The following SCYL2 variants were observed in gnomAD, a reference collection of about 807,000 sequenced individuals.
SCYL2 encodes the protein SCY1 like pseudokinase 2.
SCYL2 carries 36 observed loss-of-function variants against 100.4 expected under a neutral mutation model. The ratio of observed to expected loss-of-function variants is 0.36; its 90% confidence interval spans 0.27 to 0.47. The LOEUF (loss-of-function observed/expected upper bound fraction) is 0.47, where lower values mean the gene tolerates loss of function less well. Among genes scored for constraint, SCYL2 ranks in the 20% least tolerant of loss-of-function variants. SCYL2 has a pLI of 1.00. For missense variants in SCYL2, 902 were observed against 1,083.9 expected (o/e 0.83, Z 2.36); for synonymous variants, 330 against 359.2 (o/e 0.92, Z 0.92).
chr12:100,296,638 T>C (rs997344532), intron 3 of SCYL2: 2 of 152,130 alleles, frequency 1.3e-5, no homozygotes, highest in African/African-American at 4.8e-5. Flanking sequence ...CAGTGAGAAG[T>C]TGTTAGTAAC....
intron 10 of SCYL2, among the ~76,000 whole-genome samples, chr12:100,321,093 A>G (rs923574266): frequency 6.6e-6 from 1 of 152,096 alleles, no homozygotes; most frequent in Non-Finnish European, 1.5e-5. Context: ...ATACACCACC[A>G]TGCCTGGCTC....
At chr12:100,329,399 ATTGGT>A in intron 13 of SCYL2, 80 bp downstream of exon 13, 1 of 665,092 alleles carries the variant, frequency 1.5e-6, no homozygotes, top group African/African-American at 1.8e-5. Context: ...TATTACAAAG[ATTGGT>A]TAAAAAAAAA....
At chr12:100,337,261 C>A in intron 16 of SCYL2, 126 bp from the exon 17 acceptor site, 2 of 1,183,328 alleles carry the variant, frequency 1.7e-6, no homozygotes, top group South Asian at 1.4e-5. Flanking sequence ...GTGACAATCA[C>A]CAAGACAAGA....
chr12:100,304,575 C>T (rs1283967386), intron 4 of SCYL2, among the ~76,000 whole-genome samples: 3 of 152,174 alleles, frequency 2.0e-5, no homozygotes, highest in Non-Finnish European at 4.4e-5. Flanking sequence ...TCAGCTTGCC[C>T]TCTGTGGGCT....
chr12:100,336,760 G>A (rs986716732), intron 16 of SCYL2, among the ~76,000 whole-genome samples: 7 of 151,932 alleles, frequency 4.6e-5, no homozygotes, highest in Admixed American at 6.6e-5. Flanking sequence ...AACTATAATA[G>A]GATACTTTTC....
At chr12:100,318,329 C>CTTTTTTTTT (rs1052095844) in intron 10 of SCYL2, among the ~76,000 whole-genome samples, 43 of 130,956 alleles carry the variant, frequency 3.3e-4, no homozygotes, top group Non-Finnish European at 4.9e-4. Context: ...TCTTTTCTTT[C>CTTTTTTTTT]TTTTTTTTTT....
intron 9 of SCYL2, among the ~76,000 whole-genome samples, chr12:100,316,791 C>T (rs1236065802): frequency 6.6e-6 from 1 of 152,124 alleles, no homozygotes; most frequent in Non-Finnish European, 1.5e-5. Flanking sequence ...TCTTTTTTCT[C>T]TTAGTTGTCC....
chr12:100,322,791 C>T (rs540854006), intron 10 of SCYL2, among the ~76,000 whole-genome samples: 2 of 149,606 alleles, frequency 1.3e-5, no homozygotes, highest in Admixed American at 6.7e-5. Flanking sequence ...ACCCGGGAGG[C>T]GGAGGATTCT....
intron 14 of SCYL2, among the ~76,000 whole-genome samples, chr12:100,335,128 C>T (rs1952259148): frequency 6.6e-6 from 1 of 151,940 alleles, no homozygotes; most frequent in Admixed American, 6.6e-5. Context: ...TTTTAAAATG[C>T]ATTATAGGTA....
chr12:100,320,865 C>T (rs2096355017), intron 10 of SCYL2, among the ~76,000 whole-genome samples: 1 of 152,202 alleles, frequency 6.6e-6, no homozygotes, highest in Non-Finnish European at 1.5e-5. Context: ...TGACTGCTTA[C>T]ACTTGCCCAT....
chr12:100,294,269 C>T (rs1211061901), intron 3 of SCYL2, among the ~76,000 whole-genome samples: 1 of 138,574 alleles, frequency 7.2e-6, no homozygotes, highest in Non-Finnish European at 1.6e-5. Context: ...ACCCCCCAAC[C>T]TCCCTCCCGG....
intron 2 of SCYL2, among the ~76,000 whole-genome samples, chr12:100,283,564 A>C (rs1566345511): frequency 6.6e-6 from 1 of 152,184 alleles, no homozygotes; most frequent in East Asian, 1.9e-4. Context: ...GTCTTAGTGC[A>C]GTCAGTGCTG....
At chr12:100,291,919 A>C in intron 3 of SCYL2, 1 of 365,892 alleles carries the variant, frequency 2.7e-6, no homozygotes, top group East Asian at 5.7e-5. Flanking sequence ...TACAATAGTC[A>C]AAATAGAACA....
At chr12:100,302,474 T>G (rs943627749) in intron 4 of SCYL2, among the ~76,000 whole-genome samples, 8 of 152,322 alleles carry the variant, frequency 5.3e-5, no homozygotes, top group Admixed American at 5.2e-4. Context: ...CTCGCAACTT[T>G]TGCTTGTCTG....
Position 100,312,468 on chromosome 12 carries a change from C to T in SCYL2, c.667C>T (p.Pro223Ser). 1 of 1,613,184 alleles carries T rather than the reference C, an allele frequency of 6.2e-7. No individual in the cohort carries two copies. The highest frequency in any genetic ancestry group is 8.5e-7 in the Non-Finnish European group (1 of 1,179,894). ...FPCKEWDPNL[P>S]SLCLPNPEYL... Reference sequence around the variant, plus strand: ...TTGTAAAGAATGGGACCCAAATTTACCTTCATTGTGTCTTCCAAATCCTGA... The same window carrying T: ...TTGTAAAGAATGGGACCCAAATTTATCTTCATTGTGTCTTCCAAATCCTGA... Residue 223 changes from proline to serine, a missense_variant, in exon 6 of 18, where the codon CCT becomes TCT. Physicochemically the swap from Pro to Ser is moderately conservative, Grantham distance 74 (BLOSUM62 -1). Coordinates refer to ENST00000360820, the MANE Select transcript of SCYL2 (RefSeq NM_017988.6).
At chr12:100,270,117 G>C (rs2096285984) in intron 1 of SCYL2, among the ~76,000 whole-genome samples, 1 of 151,860 alleles carries the variant, frequency 6.6e-6, no homozygotes, top group Admixed American at 6.6e-5. Context: ...CTCCCGAGTA[G>C]CTGGGACTAC....
At chr12:100,336,044 C>T in intron 16 of SCYL2, 138 bp downstream of exon 16, 1 of 666,754 alleles carries the variant, frequency 1.5e-6, no homozygotes, top group Non-Finnish European at 2.6e-6. Flanking sequence ...ATTCCTTTAT[C>T]AGTTAAACAT....
intron 12 of SCYL2, chr12:100,327,229 T>C (rs2135928061): frequency 2.8e-6 from 1 of 362,220 alleles, no homozygotes; most frequent in South Asian, 2.2e-5. Flanking sequence ...CAAGATCATA[T>C]AAGTGGTAAG....
chr12:100,301,069 C>T (rs1430275899), intron 4 of SCYL2, among the ~76,000 whole-genome samples: 1 of 152,146 alleles, frequency 6.6e-6, no homozygotes, highest in Non-Finnish European at 1.5e-5. Context: ...TTTGAAGAAC[C>T]TCCAAATTGT....
Sources: allele counts gnomAD v4.1 joint callset (sites outside exome capture counted in the v4.1 genomes callset), GRCh38; gene constraint gnomAD v4.1.1; transcripts MANE v1.5; gene names NCBI Gene and HGNC (gene_info 2026-07-23, HGNC 2026-07-21).